Variants in ITPR2 observed in about 807,000 individuals in gnomAD.
ITPR2 encodes inositol 1,4,5-trisphosphate receptor type 2.
ITPR2 carries 207 observed loss-of-function variants against 317.1 expected under a neutral mutation model. That is an observed-to-expected ratio of 0.65 (90% CI 0.58 to 0.73). ITPR2 has a LOEUF of 0.73. ITPR2 is among the 30% of genes least tolerant of loss of function. The pLI, the probability that ITPR2 is intolerant of heterozygous loss-of-function variation, is 0.00. For synonymous variants in ITPR2, 1,156 were observed against 1,149.1 expected (o/e 1.01, Z -0.12); for missense variants, 2,613 against 3,284.0 (o/e 0.80, Z 4.99).
chr12:26,656,751 C>T (rs1565670476), intron 18 of ITPR2, among the ~76,000 whole-genome samples: 1 of 152,166 alleles, frequency 6.6e-6, no homozygotes, highest in South Asian at 2.1e-4. Context: ...CCTTCAGTTA[C>T]AATACCTCTT....
intron 15 of ITPR2, 68 bp from the exon 16 acceptor site, chr12:26,659,353 C>A: frequency 7.7e-7 from 1 of 1,300,394 alleles, no homozygotes; most frequent in South Asian, 1.3e-5. Flanking sequence ...CTATTAGGGT[C>A]AACAACATTG....
intron 9 of ITPR2, among the ~76,000 whole-genome samples, chr12:26,708,769 C>T (rs746530805): frequency 7.2e-5 from 11 of 152,024 alleles, no homozygotes; most frequent in Non-Finnish European, 1.5e-4. Context: ...TTGGAATGTT[C>T]CTAATACAAA....
At chr12:26,603,050 AAT>A (rs1946039360) in intron 26 of ITPR2, among the ~76,000 whole-genome samples, 1 of 152,218 alleles carries the variant, frequency 6.6e-6, no homozygotes. Flanking sequence ...TATGAGAAGA[AAT>A]AGTGAAAATA....
At chr12:26,433,027 A>G (rs972387727) in intron 48 of ITPR2, among the ~76,000 whole-genome samples, 2 of 152,232 alleles carry the variant, frequency 1.3e-5, no homozygotes, top group African/African-American at 4.8e-5. Flanking sequence ...ATGGCCAAGT[A>G]TGTGTAACAG....
At chr12:26,755,727 T>C (rs1332490108) in intron 2 of ITPR2, among the ~76,000 whole-genome samples, 1 of 152,244 alleles carries the variant, frequency 6.6e-6, no homozygotes, top group African/African-American at 2.4e-5. Context: ...CCGGTTATTT[T>C]ACCGAGGCTT....
At chr12:26,637,978 A>C (rs930024262) in intron 21 of ITPR2, among the ~76,000 whole-genome samples, 2 of 152,210 alleles carry the variant, frequency 1.3e-5, no homozygotes, top group African/African-American at 4.8e-5. Context: ...AGGGCTTAGA[A>C]ATAGAACAAA....
intron 37 of ITPR2, among the ~76,000 whole-genome samples, chr12:26,517,564 G>A (rs1362094523): frequency 2.0e-5 from 3 of 152,250 alleles, no homozygotes; most frequent in South Asian, 2.1e-4. Flanking sequence ...CTGACCGGGC[G>A]TGATGGCTCA....
At chr12:26,533,459 C>T (rs1943999530) in intron 37 of ITPR2, among the ~76,000 whole-genome samples, 1 of 152,230 alleles carries the variant, frequency 6.6e-6, no homozygotes. Context: ...GAGAAGCATA[C>T]ACAGAAAACC....
intron 54 of ITPR2, among the ~76,000 whole-genome samples, chr12:26,396,653 C>T (rs1417632560): frequency 6.6e-6 from 1 of 152,142 alleles, no homozygotes; most frequent in Non-Finnish European, 1.5e-5. Context: ...TTCACTATCA[C>T]ACATAGGCTG....
chr12:26,409,114 C>T lies in ITPR2; in HGVS notation c.7399+2206G>A, dbSNP rs188846020. On this transcript the variant is annotated intron_variant, in intron 52 of 56. Transcript: ENST00000381340. Reference sequence around the variant, plus strand: ...ATGGAAAATGAGGGACACCTGTAGACCTGAATTTGAGACTGTGACAGACTC... The same window carrying T: ...ATGGAAAATGAGGGACACCTGTAGATCTGAATTTGAGACTGTGACAGACTC... Among the ~76,000 whole-genome samples the T allele has an allele frequency of 5.3e-5, 8 of 152,140 alleles. No homozygotes were observed. In the East Asian group the frequency reaches 1.4e-3, roughly 26 times the overall value.
intron 32 of ITPR2, among the ~76,000 whole-genome samples, chr12:26,586,301 T>C (rs1361725306): frequency 1.3e-5 from 2 of 152,046 alleles, no homozygotes; most frequent in Non-Finnish European, 2.9e-5. Flanking sequence ...TATACCACCA[T>C]GCCGAGCTTA....
intron 55 of ITPR2, among the ~76,000 whole-genome samples, chr12:26,355,127 A>G (rs997398185): frequency 2.0e-5 from 3 of 152,222 alleles, no homozygotes; most frequent in African/African-American, 7.2e-5. Flanking sequence ...ATGCATGCTA[A>G]AGTTTGAGAA....
At chr12:26,700,850 CAG>C (rs1366971681) in intron 9 of ITPR2, among the ~76,000 whole-genome samples, 3 of 152,190 alleles carry the variant, frequency 2.0e-5, no homozygotes, top group Admixed American at 2.0e-4. Flanking sequence ...TTTGCAGAGA[CAG>C]AATCAGTAGA....
intron 45 of ITPR2, among the ~76,000 whole-genome samples, chr12:26,467,088 TA>T (rs1292791129): frequency 6.6e-6 from 1 of 152,210 alleles, no homozygotes; most frequent in Non-Finnish European, 1.5e-5. Flanking sequence ...CATAAATCTC[TA>T]AGGAAAACAC....
chr12:26,648,231 G>A (rs1350299135), intron 21 of ITPR2, among the ~76,000 whole-genome samples: 3 of 152,144 alleles, frequency 2.0e-5, no homozygotes, highest in East Asian at 1.9e-4. Context: ...TAAGCCTGGC[G>A]CCACTGAGGC....
chr12:26,719,887 C>T (rs1948804714), intron 5 of ITPR2, among the ~76,000 whole-genome samples: 1 of 151,928 alleles, frequency 6.6e-6, no homozygotes, highest in South Asian at 2.1e-4. Flanking sequence ...ACCTTTATTC[C>T]CTTTTAAAAT....
At chr12:26,493,782 G>A (rs1431589891) in intron 39 of ITPR2, among the ~76,000 whole-genome samples, 1 of 152,138 alleles carries the variant, frequency 6.6e-6, no homozygotes, top group Non-Finnish European at 1.5e-5. Context: ...TCGGGCTCAT[G>A]CAGCATGTTT....
At chr12:26,441,360 G>C (rs934186253) in intron 46 of ITPR2, among the ~76,000 whole-genome samples, 1 of 152,110 alleles carries the variant, frequency 6.6e-6, no homozygotes, top group Non-Finnish European at 1.5e-5. Flanking sequence ...TCAATAACAT[G>C]AATTGTTGTG....
intron 20 of ITPR2, 74 bp downstream of exon 20, chr12:26,655,634 C>G: frequency 2.0e-6 from 2 of 1,020,838 alleles, no homozygotes; most frequent in South Asian, 1.9e-5. Context: ...AAAAAAAAAG[C>G]AGAGAAAATA....
Sources: allele counts gnomAD v4.1 joint callset (sites outside exome capture counted in the v4.1 genomes callset), GRCh38; gene constraint gnomAD v4.1.1; transcripts MANE v1.5; gene names NCBI Gene and HGNC (gene_info 2026-07-23, HGNC 2026-07-21).